ZNF496: variants seen among roughly 807,000 people sequenced by gnomAD.
The protein encoded by ZNF496 is NSD1 (nuclear receptor binding SET-domain containing 1)-interacting zinc finger protein 1.
In ZNF496, 11 loss-of-function variants were observed where a neutral mutation model predicts 58.9. The ratio of observed to expected loss-of-function variants is 0.19; its 90% CI spans 0.12 to 0.31. The LOEUF (loss-of-function observed/expected upper bound fraction) is 0.31. Ranked by LOEUF, ZNF496 falls within the 10% of genes least tolerant of loss-of-function variation. The pLI is 1.00. For missense variants in ZNF496, 660 were observed against 783.0 expected (o/e 0.84, Z 1.88); for synonymous variants, 338 against 318.2 (o/e 1.06, Z -0.66).
intron 9 of ZNF496, among the ~76,000 whole-genome samples, chr1:247,302,854 C>T (rs924164501): frequency 6.6e-6 from 1 of 152,092 alleles, no homozygotes; most frequent in Non-Finnish European, 1.5e-5. Flanking sequence ...CAAGGTGTAA[C>T]TTTTACCAGG....
At chr1:247,301,761 T>C (rs1659246183) in intron 9 of ZNF496, among the ~76,000 whole-genome samples, 1 of 152,226 alleles carries the variant, frequency 6.6e-6, no homozygotes, top group African/African-American at 2.4e-5. Context: ...TGTGCTAGAC[T>C]TGACATGCAC....
chr1:247,302,053 G>A (rs181380564), intron 9 of ZNF496, among the ~76,000 whole-genome samples: 3 of 152,192 alleles, frequency 2.0e-5, no homozygotes, highest in African/African-American at 7.2e-5. Flanking sequence ...GCGGGGCTGG[G>A]TGGACAGTGC....
At chr1:247,301,404 G>A in intron 9 of ZNF496, 128 bp from the exon 10 acceptor site, 1 of 1,268,016 alleles carries the variant, frequency 7.9e-7, no homozygotes, top group Non-Finnish European at 1.0e-6. Context: ...TCGGTGACCG[G>A]GGCGGCCTGG....
rs1319950080 is a variant in ZNF496 at position 247,331,806 on chromosome 1, T to A, written c.-386A>T. The A allele has an allele frequency of 6.7e-6, 1 of 148,176 alleles. No homozygotes were observed. Among genetic ancestry groups the A allele is most frequent in the Non-Finnish European group, 1.5e-5 (1 of 66,656 alleles). The allele number at this position is 148,176 out of a possible 1,614,324, so 9.2% of individuals were successfully genotyped here. A position where few individuals can be genotyped will look rare whatever the true frequency, so the allele number is the denominator to read the frequency against. ...TGCACTCACCGCCGCGGCGCGTCCC[T>A]GTTGGCGGGCGGCGCAGGCCTGGCC... On this transcript the variant is annotated 5_prime_UTR_variant, in exon 1 of 10. Coordinates refer to ENST00000682384, the MANE Select transcript of ZNF496 (RefSeq NM_032752.3).
At position 247,310,491 on chromosome 1, in the gene ZNF496, G is replaced by A. The variant is rs374539658; in HGVS notation, c.652-35C>T. 1.4e-5 allele frequency: 22 copies of A among 1,612,424 alleles called. No homozygotes were observed. In the African/African-American group the frequency reaches 2.3e-4, roughly 17 times the overall value. The stretch of plus-strand genomic sequence containing the variant: ...CAGGAGAACAGGGATGCCTCAGTCC[G>A]GGACGAGCTAGGTGTCTCAGTCTTA... On this transcript the variant is annotated intron_variant, in intron 6 of 9. Coordinates refer to ENST00000682384, the MANE Select transcript of ZNF496 (RefSeq NM_032752.3).
intron 6 of ZNF496, chr1:247,313,835 G>C (rs1659687208): frequency 6.6e-6 from 1 of 152,206 alleles, no homozygotes; most frequent in African/African-American, 2.4e-5. Flanking sequence ...CGGCCTCTCT[G>C]TACTGAGAAG....
At chr1:247,321,405 T>A (rs1384726271) in intron 6 of ZNF496, among the ~76,000 whole-genome samples, 1 of 152,114 alleles carries the variant, frequency 6.6e-6, no homozygotes. Flanking sequence ...ATAGAGAATT[T>A]CAGTTTGGGA....
At chr1:247,306,898 A>G (rs1342834173) in intron 9 of ZNF496, among the ~76,000 whole-genome samples, 1 of 152,210 alleles carries the variant, frequency 6.6e-6, no homozygotes, top group Non-Finnish European at 1.5e-5. Flanking sequence ...ATACAGAGAC[A>G]TCATGCCACC....
intron 9 of ZNF496, among the ~76,000 whole-genome samples, chr1:247,302,522 T>G (rs371850745): frequency 7.9e-5 from 12 of 152,000 alleles, no homozygotes; most frequent in African/African-American, 2.7e-4. Flanking sequence ...GGGGTCACAT[T>G]ATGTTGCCCA....
At chr1:247,304,662 C>T (rs1659352413) in intron 9 of ZNF496, among the ~76,000 whole-genome samples, 6 of 152,104 alleles carry the variant, frequency 3.9e-5, no homozygotes, top group Admixed American at 3.3e-4. Flanking sequence ...ACGAGCCACA[C>T]CACACCTAGC....
At chr1:247,321,636 T>C (rs1448517604) in intron 6 of ZNF496, among the ~76,000 whole-genome samples, 1 of 152,202 alleles carries the variant, frequency 6.6e-6, no homozygotes, top group African/African-American at 2.4e-5. Flanking sequence ...ATCAGAGTAA[T>C]ACAACAGTAC....
At chr1:247,316,676 T>C (rs1365626920) in intron 6 of ZNF496, among the ~76,000 whole-genome samples, 2 of 152,170 alleles carry the variant, frequency 1.3e-5, no homozygotes, top group Non-Finnish European at 2.9e-5. Flanking sequence ...TCAGGTATTC[T>C]GTTACAAGTG....
intron 6 of ZNF496, 113 bp downstream of exon 6, chr1:247,323,041 G>A (rs1558156770): frequency 4.5e-6 from 4 of 889,436 alleles, no homozygotes; most frequent in Non-Finnish European, 5.3e-6. Context: ...TCTGGGCTGG[G>A]ACTGAACATC....
In ZNF496 at chr1:247,310,284, G is replaced by C. The variant is rs749643332; in HGVS notation, c.784+40C>G. 3 of 1,613,240 alleles carry C rather than the reference G, an allele frequency of 1.9e-6. No homozygotes were observed. The South Asian group carries it at 3.3e-5, about 18-fold the overall frequency. ...CTCCAAGTGAGAACTCCCCTGCCCAGTTCCCTGGTCTTGAGGTGTGGGGGG... is the reference window on the plus strand; with the variant it reads ...CTCCAAGTGAGAACTCCCCTGCCCACTTCCCTGGTCTTGAGGTGTGGGGGG... On this transcript the variant is annotated intron_variant, in intron 7 of 9. Coordinates refer to ENST00000682384, the MANE Select transcript of ZNF496 (RefSeq NM_032752.3).
At chr1:247,305,006 A>G (rs553608758) in intron 9 of ZNF496, among the ~76,000 whole-genome samples, 2 of 152,300 alleles carry the variant, frequency 1.3e-5, no homozygotes, top group African/African-American at 4.8e-5. Context: ...GAAGGTCCTG[A>G]GGGTGAGGTC....
At chr1:247,328,528 G>C (rs936643738) in intron 5 of ZNF496, 155 bp downstream of exon 5, 1 of 693,008 alleles carries the variant, frequency 1.4e-6, no homozygotes, top group South Asian at 3.0e-5. Flanking sequence ...GCTCTAGGAA[G>C]GGACTCAGAC....
chr1:247,327,244 A>T (rs889935977), intron 5 of ZNF496, among the ~76,000 whole-genome samples: 1 of 152,168 alleles, frequency 6.6e-6, no homozygotes, highest in Non-Finnish European at 1.5e-5. Flanking sequence ...TTGTATTTTT[A>T]GTAGCGATGG....
intron 6 of ZNF496, among the ~76,000 whole-genome samples, chr1:247,317,186 G>C (rs1659808747): frequency 6.6e-6 from 1 of 152,156 alleles, no homozygotes. Flanking sequence ...AAGGTGGAGA[G>C]AGGGTGGCAG....
chr1:247,300,386 C>T lies in ZNF496; in HGVS notation c.*133G>A. 9.9e-7 allele frequency: 1 copy of T among 1,005,546 alleles called. No homozygotes were observed. Among genetic ancestry groups the T allele is most frequent in the Admixed American group, 2.9e-5 (1 of 34,156 alleles). The allele number at this position is 1,005,546 out of a possible 1,614,324, so 62.3% of individuals were successfully genotyped here. On this transcript the variant is annotated 3_prime_UTR_variant, in exon 10 of 10. Transcript: ENST00000682384. The surrounding 1 kb of genome is among the most constrained non-coding windows in gnomAD (Gnocchi z 5.7). Reference sequence around the variant, plus strand: ...TCCCATGGCACCACCCGAACGCTCACTACCTGAGAGCAAGGACAGGAGGGA... The same window carrying T: ...TCCCATGGCACCACCCGAACGCTCATTACCTGAGAGCAAGGACAGGAGGGA...
Sources: allele counts gnomAD v4.1 joint callset (sites outside exome capture counted in the v4.1 genomes callset), GRCh38; gene constraint gnomAD v4.1.1; non-coding constraint Gnocchi (gnomAD v3.1); transcripts MANE v1.5; gene names NCBI Gene and HGNC (gene_info 2026-07-23, HGNC 2026-07-21).